The following STAT5B variants were observed in gnomAD, a reference collection of about 807,000 sequenced individuals.
The protein encoded by STAT5B is transcription factor STAT5B.
Under a neutral mutation model 107.8 loss-of-function variants are expected in STAT5B, and 21 were observed. The ratio of observed to expected loss-of-function variants is 0.19; its 90% CI spans 0.14 to 0.28. The LOEUF is 0.28. Among genes scored for constraint, STAT5B ranks in the 10% least tolerant of loss-of-function variants. The pLI is 1.00. For missense variants in STAT5B, 565 were observed against 1,008.2 expected (o/e 0.56, Z 5.95); for synonymous variants, 325 against 401.7 (o/e 0.81, Z 2.28).
the STAT5B span, among the ~76,000 whole-genome samples, chr17:42,285,106 T>A: frequency 1.3e-5 from 2 of 152,108 alleles, no homozygotes; most frequent in African/African-American, 2.4e-5. Context: ...TTCTTTTTTT[T>A]TGAGACAGAG....
intron 1 of STAT5B, among the ~76,000 whole-genome samples, chr17:42,274,024 CGAT>C (rs2080742742): frequency 6.6e-6 from 1 of 151,982 alleles, no homozygotes; most frequent in Admixed American, 6.6e-5. Context: ...ACACTCCAAA[CGAT>C]GATAGCACAT....
intron 15 of STAT5B, among the ~76,000 whole-genome samples, chr17:42,208,048 C>T (rs1245545770): frequency 6.6e-6 from 1 of 152,162 alleles, no homozygotes; most frequent in Admixed American, 6.5e-5. Flanking sequence ...GCACGCGCCA[C>T]CACACCTGGC....
upstream of STAT5B, among the ~76,000 whole-genome samples, chr17:42,279,408 G>C (rs140808712): frequency 2.9e-3 from 437 of 152,316 alleles, 3 homozygotes; most frequent in African/African-American, 1.0e-2. Context: ...TTTAGTAGCA[G>C]CTAAGATGAA....
At position 42,219,785 on chromosome 17, in the gene STAT5B, G is replaced by T; in HGVS notation, c.608C>A (p.Ala203Asp). 3 of 1,613,692 alleles carry T rather than the reference G, an allele frequency of 1.9e-6. No individual in the cohort carries two copies. Among genetic ancestry groups the T allele is most frequent in the Non-Finnish European group, 2.5e-6 (3 of 1,179,918 alleles). The stretch of plus-strand genomic sequence containing the variant: ...CAGAGACACCTGCTTCTGCTGGAGG[G>T]CCGTCTCCCGGCTCAGACGCTCCTG... ...SPQERLSRET[A>D]LQQKQVSLEA... is the part of the protein sequence containing the mutation. Residue 203 changes from alanine (A) to aspartate (D), a missense_variant, in exon 6 of 19, where the codon GCC (alanine) becomes GAC (aspartate). Around this residue, in one of 11 missense-constraint regions of STAT5B, gnomAD observed 56 missense variants for 104.5 expected, o/e 0.54. Transcript: ENST00000293328.
At chr17:42,254,276 A>G (rs571906665) in intron 1 of STAT5B, among the ~76,000 whole-genome samples, 2 of 152,308 alleles carry the variant, frequency 1.3e-5, no homozygotes, top group South Asian at 4.1e-4. Context: ...GCTACTCAGA[A>G]GGCTGAGGTG....
At chr17:42,267,364 A>G (rs1444188538) in intron 1 of STAT5B, among the ~76,000 whole-genome samples, 3 of 152,312 alleles carry the variant, frequency 2.0e-5, no homozygotes, top group South Asian at 2.1e-4. Context: ...TGACAGCTCC[A>G]TATGTGTTAC....
In STAT5B at chr17:42,210,385, A is replaced by G; in HGVS notation, c.1775+18T>C. On this transcript the variant is annotated intron_variant, in intron 14 of 18. Coordinates refer to ENST00000293328, the MANE Select transcript of STAT5B (RefSeq NM_012448.4). ...ACCTTCAGACTCTGTCGGCGCCTTA[A>G]GAAATAATGATTCTCACCCATCATT... is the stretch of plus-strand genomic sequence containing the variant. 1.9e-6 allele frequency: 3 copies of G among 1,614,202 alleles called. No individual in the cohort carries two copies. Among genetic ancestry groups the G allele is most frequent in the Non-Finnish European group, 2.5e-6 (3 of 1,180,024 alleles).
At chr17:42,240,143 C>G (rs1046560555) in intron 1 of STAT5B, among the ~76,000 whole-genome samples, 2 of 152,004 alleles carry the variant, frequency 1.3e-5, no homozygotes, top group African/African-American at 4.8e-5. Context: ...GACTCTGTCT[C>G]AAAAACAAAG....
intron 12 of STAT5B, 139 bp from the exon 13 acceptor site, chr17:42,212,329 G>C: frequency 2.1e-6 from 3 of 1,400,930 alleles, no homozygotes; most frequent in Non-Finnish European, 2.9e-6. Flanking sequence ...TTCAGACTCT[G>C]CTGGGGTACA....
At chr17:42,261,718 G>A (rs2080598267) in intron 1 of STAT5B, among the ~76,000 whole-genome samples, 2 of 151,946 alleles carry the variant, frequency 1.3e-5, no homozygotes, top group Non-Finnish European at 2.9e-5. Flanking sequence ...ACACCACCAC[G>A]TCTAGCTAAT....
At chr17:42,278,363 A>G (rs1222303823), upstream of STAT5B, among the ~76,000 whole-genome samples, 1 of 152,182 alleles carries the variant, frequency 6.6e-6, no homozygotes, top group Non-Finnish European at 1.5e-5. Context: ...AACAAATGCT[A>G]TGCTCTAGGA....
At chr17:42,277,999 G>A (rs143985831), upstream of STAT5B, among the ~76,000 whole-genome samples, 2,879 of 152,022 alleles carry the variant, frequency 0.019, 35 homozygotes, top group South Asian at 0.031. Flanking sequence ...CTCGTAATCT[G>A]CCCGCCTCAG....
At chr17:42,256,804 G>A (rs920725894) in intron 1 of STAT5B, among the ~76,000 whole-genome samples, 1 of 142,774 alleles carries the variant, frequency 7.0e-6, no homozygotes, top group Non-Finnish European at 1.5e-5. Flanking sequence ...AGAGCGTGCA[G>A]TGAACGGAGA....
chr17:42,237,145 G>C (rs1214712302), intron 1 of STAT5B, among the ~76,000 whole-genome samples: 1 of 152,188 alleles, frequency 6.6e-6, no homozygotes, highest in Admixed American at 6.5e-5. Flanking sequence ...GCAGAACCCT[G>C]TACTTTCTGA....
intron 1 of STAT5B, among the ~76,000 whole-genome samples, chr17:42,235,764 C>T (rs1311291589): frequency 1.3e-5 from 2 of 152,220 alleles, no homozygotes; most frequent in Admixed American, 1.3e-4. Context: ...GCGTGAGCCA[C>T]CACGCTCGGC....
chr17:42,281,478 A>G (rs750437597), upstream of STAT5B, among the ~76,000 whole-genome samples: 3 of 152,168 alleles, frequency 2.0e-5, no homozygotes, highest in Non-Finnish European at 2.9e-5. Flanking sequence ...TTAAAGGAAA[A>G]AGGAGAGCAT....
chr17:42,257,376 A>T (rs1008951572), intron 1 of STAT5B, among the ~76,000 whole-genome samples: 4 of 128,902 alleles, frequency 3.1e-5, no homozygotes, highest in African/African-American at 7.0e-5. Flanking sequence ...CCACAACATC[A>T]AACAGGGGGA....
chr17:42,225,525 T>C (rs558240849), intron 3 of STAT5B, among the ~76,000 whole-genome samples: 5 of 152,238 alleles, frequency 3.3e-5, no homozygotes, highest in Admixed American at 2.6e-4. Context: ...TCACCTACAA[T>C]TGTCCCTTGG....
At chr17:42,263,816 T>C (rs1309276565) in intron 1 of STAT5B, among the ~76,000 whole-genome samples, 1 of 151,734 alleles carries the variant, frequency 6.6e-6, no homozygotes, top group Non-Finnish European at 1.5e-5. Context: ...CATGAGTCAC[T>C]GTGCCCAGCC....
Sources: allele counts gnomAD v4.1 joint callset (sites outside exome capture counted in the v4.1 genomes callset), GRCh38; gene constraint gnomAD v4.1.1; regional missense constraint gnomAD v4.1.1; transcripts MANE v1.5; gene names NCBI Gene and HGNC (gene_info 2026-07-23, HGNC 2026-07-21).